TPTE2: variants seen among roughly 807,000 people sequenced by gnomAD.
The protein encoded by TPTE2 is phosphatidylinositol 3,4,5-trisphosphate 3-phosphatase TPTE2.
A neutral mutation model predicts 78.6 loss-of-function variants in TPTE2; 53 were observed. The ratio of observed to expected loss-of-function variants is 0.67; its 90% CI spans 0.54 to 0.85. The LOEUF is 0.85. Among genes scored for constraint, TPTE2 ranks in the 40% least tolerant of loss-of-function variants. The pLI, the probability that TPTE2 is intolerant of heterozygous loss-of-function variation, is 0.00. For missense variants in TPTE2, 461 were observed against 623.0 expected (o/e 0.74, Z 2.77); for synonymous variants, 175 against 206.2 (o/e 0.85, Z 1.30).
At chr13:19,498,109 A>G (rs1220783234) in intron 1 of TPTE2, among the ~76,000 whole-genome samples, 5 of 151,406 alleles carry the variant, frequency 3.3e-5, no homozygotes, top group Non-Finnish European at 7.4e-5. Context: ...AAAAAAGAAT[A>G]AAAAGAAATG....
intron 1 of TPTE2, among the ~76,000 whole-genome samples, chr13:19,516,402 G>A (rs1423925820): frequency 6.6e-6 from 1 of 152,136 alleles, no homozygotes; most frequent in African/African-American, 2.4e-5. Flanking sequence ...CTGGAGATAG[G>A]ATCATATGAG....
upstream of TPTE2, among the ~76,000 whole-genome samples, chr13:19,538,522 T>TTTTTTC (rs1871338754): frequency 6.7e-6 from 1 of 148,828 alleles, no homozygotes; most frequent in Non-Finnish European, 1.5e-5. Context: ...GCCCAGCCTT[T>TTTTTTC]TTTTTTCTTT....
chr13:19,497,311 G>A (rs868690493), intron 1 of TPTE2, among the ~76,000 whole-genome samples: 4,971 of 139,772 alleles, frequency 0.036, 285 homozygotes, highest in African/African-American at 0.12. Flanking sequence ...GCTCAAGGAG[G>A]CCTGCCTGCC....
At chr13:19,464,564 T>C (rs759508913) in intron 9 of TPTE2, 44 bp from the exon 13 acceptor site, 2 of 1,578,694 alleles carry the variant, frequency 1.3e-6, no homozygotes, top group East Asian at 4.5e-5. Flanking sequence ...ATTATAGATT[T>C]CATATAACAC....
intron 3 of TPTE2, among the ~76,000 whole-genome samples, chr13:19,488,178 C>T (rs187032773): frequency 6.6e-6 from 1 of 152,250 alleles, no homozygotes; most frequent in Non-Finnish European, 1.5e-5. Context: ...TTTGTTGCCT[C>T]GGTTTTTTCT....
chr13:19,504,308 C>T (rs1320951876), upstream of TPTE2, among the ~76,000 whole-genome samples: 1 of 152,060 alleles, frequency 6.6e-6, no homozygotes, highest in Non-Finnish European at 1.5e-5. Flanking sequence ...GACCTCATCT[C>T]ATTTCCTGAC....
At chr13:19,561,460 C>A in the TPTE2 span, among the ~76,000 whole-genome samples, 1 of 152,112 alleles carries the variant, frequency 6.6e-6, no homozygotes, top group Non-Finnish European at 1.5e-5. Context: ...AAAGTTGCTA[C>A]GCCTCCCCGC....
chr13:19,513,511 G>C (rs1443741018), intron 1 of TPTE2, among the ~76,000 whole-genome samples: 2 of 152,064 alleles, frequency 1.3e-5, no homozygotes, highest in East Asian at 3.9e-4. Flanking sequence ...CAATTCATTG[G>C]GGTCAGTGCA....
At position 19,486,596 on chromosome 13, in the gene TPTE2, G is replaced by T. The variant is rs926595991; in HGVS notation, c.120-4049C>A. Among the ~76,000 whole-genome samples, 1 of 152,220 alleles carries T rather than the reference G, an allele frequency of 6.6e-6. No individual in the cohort carries two copies. The highest frequency in any genetic ancestry group is 2.4e-5 in the African/African-American group (1 of 41,464). On this transcript the variant is annotated intron_variant, in intron 3 of 19. Coordinates refer to ENST00000400230, the Ensembl canonical transcript of TPTE2. This position sits in a 1 kb window ranked among gnomAD's most constrained non-coding sequence, Gnocchi z 4.3. ...CCTGGAAGCATGCACTCCAGGAGTGGCCTGAAGGGCTGTTTCCCCTACCTG... is the reference window on the plus strand; with the variant it reads ...CCTGGAAGCATGCACTCCAGGAGTGTCCTGAAGGGCTGTTTCCCCTACCTG...
At chr13:19,483,363 T>A (rs1880470579) in intron 3 of TPTE2, among the ~76,000 whole-genome samples, 1 of 152,254 alleles carries the variant, frequency 6.6e-6, no homozygotes, top group Admixed American at 6.5e-5. Context: ...GGTTTTCTAT[T>A]TCTTCTTGGT....
chr13:19,500,189 A>G (rs1868399224), intron 1 of TPTE2, among the ~76,000 whole-genome samples: 4 of 151,194 alleles, frequency 2.6e-5, no homozygotes, highest in Non-Finnish European at 5.9e-5. Flanking sequence ...GTCCAGGACC[A>G]GATGGATTCA....
At chr13:19,558,110 T>A in the TPTE2 span, among the ~76,000 whole-genome samples, 5 of 152,324 alleles carry the variant, frequency 3.3e-5, no homozygotes, top group African/African-American at 1.2e-4. Flanking sequence ...AGACTGCTAA[T>A]TGAAGAAGTG....
At chr13:19,548,093 A>T in the TPTE2 span, among the ~76,000 whole-genome samples, 3 of 152,280 alleles carry the variant, frequency 2.0e-5, no homozygotes, top group African/African-American at 7.2e-5. Flanking sequence ...ATTGTGTCTA[A>T]TTCTGCTTTA....
chr13:19,485,368 G>A (rs559125971), intron 3 of TPTE2, among the ~76,000 whole-genome samples: 10 of 151,902 alleles, frequency 6.6e-5, no homozygotes, highest in African/African-American at 1.9e-4. Flanking sequence ...TCAGAACTTC[G>A]AATATATCAT....
chr13:19,494,961 C>A (rs2451084), intron 1 of TPTE2, among the ~76,000 whole-genome samples: 1 of 152,172 alleles, frequency 6.6e-6, no homozygotes, highest in East Asian at 1.9e-4. Flanking sequence ...ATGAGGTTTC[C>A]TATGCCAACA....
the TPTE2 span, chr13:19,561,256 A>G: frequency 5.5e-6 from 7 of 1,280,318 alleles, no homozygotes; most frequent in Non-Finnish European, 7.6e-6. Context: ...CTGGCTGGAC[A>G]TGGCGCTGGT....
chr13:19,442,101 T>G (rs570328993), intron 13 of TPTE2, among the ~76,000 whole-genome samples: 1 of 152,116 alleles, frequency 6.6e-6, no homozygotes, highest in Non-Finnish European at 1.5e-5. Flanking sequence ...CATAGAACAC[T>G]GTTCTCAACA....
chr13:19,517,601 C>T (rs1869884949), intron 1 of TPTE2, among the ~76,000 whole-genome samples: 2 of 152,124 alleles, frequency 1.3e-5, no homozygotes, highest in South Asian at 4.1e-4. Flanking sequence ...CAGCATTAGC[C>T]AACAGAGAGG....
chr13:19,503,539 G>A (rs1024716880), upstream of TPTE2, among the ~76,000 whole-genome samples: 6 of 151,708 alleles, frequency 4.0e-5, no homozygotes, highest in East Asian at 3.9e-4. Flanking sequence ...GTCCCAATGC[G>A]TGACAGCCTT....
Sources: gnomAD v4.1 joint callset for allele counts (sites outside exome capture counted in the v4.1 genomes callset) on GRCh38, gnomAD v4.1.1 for gene constraint, Gnocchi (gnomAD v3.1) non-coding constraint, MANE v1.5 for transcripts, NCBI Gene and HGNC (gene_info 2026-07-23, HGNC 2026-07-21) for gene names.